Variants in DIP2C observed in about 807,000 individuals in gnomAD.
The protein encoded by DIP2C is disco-interacting protein 2 homolog C.
A neutral mutation model predicts 192.4 loss-of-function variants in DIP2C; 33 were observed. That is an observed-to-expected ratio of 0.17 (90% CI 0.13 to 0.23). DIP2C has a LOEUF of 0.23. DIP2C is among the 10% of genes least tolerant of loss of function. DIP2C has a pLI of 1.00. For missense variants in DIP2C, 1,537 were observed against 2,110.1 expected (o/e 0.73, Z 5.32); for synonymous variants, 979 against 864.1 (o/e 1.13, Z -2.33).
At chr10:391,329 G>A (rs1459204994) in intron 10 of DIP2C, among the ~76,000 whole-genome samples, 1 of 152,236 alleles carries the variant, frequency 6.6e-6, no homozygotes, top group Non-Finnish European at 1.5e-5. Context: ...CCTGTCATGG[G>A]TGCCAGGCAG....
chr10:617,347 G>A (rs1224679449), intron 1 of DIP2C, among the ~76,000 whole-genome samples: 2 of 152,146 alleles, frequency 1.3e-5, no homozygotes, highest in African/African-American at 2.4e-5. Context: ...CAGCTGTGAT[G>A]TGAGCCCCTG....
chr10:605,363 G>C (rs1000771566), intron 1 of DIP2C, among the ~76,000 whole-genome samples: 1 of 152,334 alleles, frequency 6.6e-6, no homozygotes, highest in East Asian at 1.9e-4. Context: ...ACAGGTTCCA[G>C]AATTTCCTGA....
chr10:374,950 T>C (rs1961393518), intron 17 of DIP2C, among the ~76,000 whole-genome samples: 1 of 152,226 alleles, frequency 6.6e-6, no homozygotes, highest in South Asian at 2.1e-4. Context: ...CCAAACAGCT[T>C]TGTGTGTCTC....
intron 3 of DIP2C, among the ~76,000 whole-genome samples, chr10:457,042 TCA>T (rs1228976771): frequency 6.6e-6 from 1 of 152,200 alleles, no homozygotes; most frequent in Non-Finnish European, 1.5e-5. Context: ...ATCTCTCTGC[TCA>T]CATATCCACC....
At chr10:298,555 T>G (rs1287985656) in intron 32 of DIP2C, among the ~76,000 whole-genome samples, 2 of 152,178 alleles carry the variant, frequency 1.3e-5, no homozygotes, top group Non-Finnish European at 2.9e-5. Context: ...ACTGCTGGCC[T>G]CATGGAGGGC....
At chr10:545,102 G>A (rs959291128) in intron 1 of DIP2C, among the ~76,000 whole-genome samples, 36 of 149,826 alleles carry the variant, frequency 2.4e-4, no homozygotes, top group Non-Finnish European at 4.6e-4. Flanking sequence ...GGCCTTTAAC[G>A]TGACAATTTA....
In DIP2C at chr10:275,470, C is replaced by CTTTTTT; in HGVS notation, c.*1849_*1854dup. ...CAGACACATTTTTTTAAATGTGCCA[C>CTTTTTT]TTTTTTTTTTTTTTTTTTTTTAACA... On this transcript the variant is annotated 3_prime_UTR_variant, in exon 37 of 37. Coordinates refer to ENST00000280886, the MANE Select transcript of DIP2C (RefSeq NM_014974.3). 1 of 134,574 alleles carries CTTTTTT rather than the reference C, an allele frequency of 7.4e-6. No individual in the cohort carries two copies. Among genetic ancestry groups the CTTTTTT allele is most frequent in the Non-Finnish European group, 1.6e-5 (1 of 63,194 alleles). 8.3% of individuals were successfully genotyped at this position (134,574 alleles called of 1,614,324 possible). A position where few individuals can be genotyped will look rare whatever the true frequency, so the allele number is the denominator to read the frequency against.
rs556094034 is a variant in DIP2C at position 558,210 on chromosome 10, G to C, written c.86-71680C>G. Among the ~76,000 whole-genome samples the C allele has an allele frequency of 1.6e-4, 24 of 152,238 alleles. No individual in the cohort carries two copies. In the East Asian group the frequency reaches 4.6e-3, roughly 29 times the overall value. ...GACAGCATCTGAGTACTGAGCATGC[G>C]TCAAGCCCAGTGAGGTAGGAATCCT... On this transcript the variant is annotated intron_variant, in intron 1 of 36. Coordinates refer to ENST00000280886, the MANE Select transcript of DIP2C (RefSeq NM_014974.3).
chr10:622,279 G>A (rs1588623788), intron 1 of DIP2C, among the ~76,000 whole-genome samples: 2 of 113,540 alleles, frequency 1.8e-5, no homozygotes, highest in Admixed American at 8.5e-5. Flanking sequence ...GAGGGGGAGG[G>A]AGGAGGGGGA....
chr10:631,321 T>G (rs368906232), intron 1 of DIP2C: 23 of 152,390 alleles, frequency 1.5e-4, no homozygotes, highest in East Asian at 7.7e-4. Context: ...TTCCACCCAC[T>G]GTAGCAGCGG....
chr10:534,834 G>A (rs558704508), intron 1 of DIP2C, among the ~76,000 whole-genome samples: 17 of 151,620 alleles, frequency 1.1e-4, no homozygotes, highest in East Asian at 1.9e-4. Flanking sequence ...CTGCCACCGC[G>A]CCCGGCTAAT....
chr10:589,646 C>T (rs746916411), intron 1 of DIP2C, among the ~76,000 whole-genome samples: 1 of 152,188 alleles, frequency 6.6e-6, no homozygotes, highest in Non-Finnish European at 1.5e-5. Context: ...CCGTGTGTCC[C>T]TCCTGAGCAT....
At chr10:497,450 T>C (rs894369074) in intron 1 of DIP2C, among the ~76,000 whole-genome samples, 1 of 152,210 alleles carries the variant, frequency 6.6e-6, no homozygotes, top group African/African-American at 2.4e-5. Flanking sequence ...TGCTTCTCTG[T>C]TGACCAACTT....
intron 1 of DIP2C, among the ~76,000 whole-genome samples, chr10:508,726 C>T (rs1331225455): frequency 1.3e-5 from 2 of 152,102 alleles, no homozygotes; most frequent in Non-Finnish European, 2.9e-5. Context: ...CTTGCTGCCA[C>T]CCTAACCGCA....
At chr10:376,350 C>T (rs2132837112) in intron 17 of DIP2C, among the ~76,000 whole-genome samples, 1 of 152,216 alleles carries the variant, frequency 6.6e-6, no homozygotes, top group Admixed American at 6.5e-5. Flanking sequence ...CCCGACGGAG[C>T]CGGCACAGAG....
At chr10:467,340 A>G (rs1000924127) in intron 3 of DIP2C, among the ~76,000 whole-genome samples, 1 of 135,330 alleles carries the variant, frequency 7.4e-6, no homozygotes, top group African/African-American at 2.7e-5. Context: ...ATGAGATCAC[A>G]TGGACACAGG....
At chr10:547,616 C>CTT (rs1848353155) in intron 1 of DIP2C, among the ~76,000 whole-genome samples, 1 of 152,160 alleles carries the variant, frequency 6.6e-6, no homozygotes, top group Non-Finnish European at 1.5e-5. Flanking sequence ...ATTTACAAGG[C>CTT]TTGCTGAAGA....
Position 531,432 on chromosome 10 carries a change from A to ACCT in DIP2C, c.86-44905_86-44903dup, listed in dbSNP as rs373185924. ...AGTAGACTGTTACTCTGAAAATAAA[A>ACCT]CCTTTTTCCTTCCTCTGTACATCTC... On this transcript the variant is annotated intron_variant, in intron 1 of 36. Coordinates refer to ENST00000280886, the MANE Select transcript of DIP2C (RefSeq NM_014974.3). Among the ~76,000 whole-genome samples the ACCT allele has an allele frequency of 6.4e-4, 97 of 152,058 alleles. 1 individual carries two copies. Among genetic ancestry groups the ACCT allele is most frequent in the African/African-American group, 2.1e-3 (87 of 41,482 alleles).
At chr10:619,527 AAG>A (rs1491534705) in intron 1 of DIP2C, among the ~76,000 whole-genome samples, 5 of 44,950 alleles carry the variant, frequency 1.1e-4, no homozygotes, top group African/African-American at 9.9e-4. Flanking sequence ...GGCCAGGACC[AAG>A]CCCGCCCGCC....
Sources: allele counts gnomAD v4.1 joint callset (sites outside exome capture counted in the v4.1 genomes callset), GRCh38; gene constraint gnomAD v4.1.1; transcripts MANE v1.5; gene names NCBI Gene and HGNC (gene_info 2026-07-23, HGNC 2026-07-21).